The following PKN2 variants were observed in gnomAD, a reference collection of about 807,000 sequenced individuals.
PKN2 encodes serine/threonine-protein kinase N2.
Under a neutral mutation model 119.1 loss-of-function variants are expected in PKN2, and 38 were observed. That is an observed-to-expected ratio of 0.32 (90% CI 0.25 to 0.42). The LOEUF (loss-of-function observed/expected upper bound fraction) is 0.42. PKN2 is among the 10% of genes least tolerant of loss of function. The pLI is 1.00. For synonymous variants in PKN2, 390 were observed against 384.9 expected (o/e 1.01, Z -0.15); for missense variants, 850 against 1,165.1 (o/e 0.73, Z 3.94).
At position 88,818,138 on chromosome 1, in the gene PKN2, G is replaced by A. The variant is rs575561730; in HGVS notation, c.2280-3803G>A. Among the ~76,000 whole-genome samples the A allele has an allele frequency of 3.9e-5, 6 of 152,166 alleles. No homozygotes were observed. In the South Asian group the frequency reaches 1.2e-3, roughly 32 times the overall value. On this transcript the variant is annotated intron_variant, in intron 16 of 21. Coordinates refer to ENST00000370521, the MANE Select transcript of PKN2 (RefSeq NM_006256.4). ...TGCTACAAAGAGAATAAAATACCTAGGAATACAGCTTACAAGGGATGTGAA... is the reference window on the plus strand; with the variant it reads ...TGCTACAAAGAGAATAAAATACCTAAGAATACAGCTTACAAGGGATGTGAA...
chr1:88,752,513 TTCGTGG>T (rs1669042883), intron 2 of PKN2, among the ~76,000 whole-genome samples: 1 of 152,130 alleles, frequency 6.6e-6, no homozygotes, highest in East Asian at 1.9e-4. Flanking sequence ...GTATTAAAAT[TTCGTGG>T]AATGCAGATT....
At chr1:88,733,145 A>C (rs1264892378) in intron 1 of PKN2, among the ~76,000 whole-genome samples, 1 of 152,352 alleles carries the variant, frequency 6.6e-6, no homozygotes, top group East Asian at 1.9e-4. Flanking sequence ...ATGCTGTAAT[A>C]AACATAGGAG....
chr1:88,807,386 C>T lies in PKN2; in HGVS notation c.1877C>T (p.Pro626Leu). 6 of 1,606,570 alleles carry T rather than the reference C, an allele frequency of 3.7e-6. No individual in the cohort carries two copies. The highest frequency in any genetic ancestry group is 5.1e-6 in the Non-Finnish European group (6 of 1,174,346). Residue 626 changes from proline (P) to leucine (L), a missense_variant, in exon 13 of 22, where the codon CCT (proline) becomes CTT (leucine). Physicochemically the swap from Pro to Leu is moderately conservative, Grantham distance 98. Transcript: ENST00000370521. Reference protein sequence around the residue: ...ILPKSQSEYKPDTPQSGLEYS... With the variant: ...ILPKSQSEYKLDTPQSGLEYS... ...CCAAAATCTCAATCTGAATACAAGC[C>T]TGATACTCCTCAGTCAGGCCTAGAA...
intron 18 of PKN2, among the ~76,000 whole-genome samples, chr1:88,827,982 C>T (rs1324012862): frequency 5.9e-5 from 9 of 152,024 alleles, no homozygotes; most frequent in Non-Finnish European, 7.4e-5. Context: ...GCCTCGGCCT[C>T]CCAAAGTGCC....
At chr1:88,829,810 G>A (rs17130628) in intron 19 of PKN2, among the ~76,000 whole-genome samples, 6,033 of 152,234 alleles carry the variant, frequency 0.04, 277 homozygotes, top group African/African-American at 0.1. Context: ...GAAGAAGTTA[G>A]TGCTGAATGA....
intron 2 of PKN2, among the ~76,000 whole-genome samples, chr1:88,759,989 A>C (rs1304169008): frequency 6.6e-6 from 1 of 151,132 alleles, no homozygotes; most frequent in East Asian, 1.9e-4. Flanking sequence ...TAATATAATC[A>C]CTTTTATATT....
intron 6 of PKN2, among the ~76,000 whole-genome samples, chr1:88,772,440 G>T (rs1326986056): frequency 2.6e-5 from 4 of 152,058 alleles, no homozygotes; most frequent in Admixed American, 2.0e-4. Flanking sequence ...TTTTGGATTT[G>T]GGATTTCAGA....
chr1:88,749,680 T>G (rs1411400714), intron 2 of PKN2, among the ~76,000 whole-genome samples: 1 of 152,182 alleles, frequency 6.6e-6, no homozygotes, highest in Non-Finnish European at 1.5e-5. Context: ...AGGAGAAGTA[T>G]AAAGTTAACA....
intron 2 of PKN2, among the ~76,000 whole-genome samples, chr1:88,754,270 C>G (rs187579126): frequency 0.013 from 1,751 of 137,096 alleles, 15 homozygotes; most frequent in Non-Finnish European, 0.018. Context: ...TTTTTCCTCT[C>G]TTTCTCTTTT....
chr1:88,817,448 C>G (rs1042879244), intron 16 of PKN2, among the ~76,000 whole-genome samples: 5 of 150,048 alleles, frequency 3.3e-5, no homozygotes, highest in Admixed American at 2.0e-4. Context: ...TGGCTCATGC[C>G]TGTAATCCCA....
At chr1:88,738,902 T>C in intron 1 of PKN2, among the ~76,000 whole-genome samples, 1 of 152,224 alleles carries the variant, frequency 6.6e-6, no homozygotes, top group Non-Finnish European at 1.5e-5. Flanking sequence ...GCTAGTGTTG[T>C]TGACAACTTG....
intron 8 of PKN2, among the ~76,000 whole-genome samples, chr1:88,797,408 C>G (rs1426540892): frequency 2.0e-5 from 3 of 151,650 alleles, no homozygotes; most frequent in African/African-American, 4.8e-5. Context: ...CTTTGGGAGG[C>G]TCAGGTGGGC....
chr1:88,784,695 C>T lies in PKN2; in HGVS notation c.1042C>T (p.Arg348Trp), dbSNP rs770594472. 2 of 1,610,966 alleles carry T rather than the reference C, an allele frequency of 1.2e-6. No individual in the cohort carries two copies. The highest frequency in any genetic ancestry group is 1.7e-6 in the Non-Finnish European group (2 of 1,178,316). ...AGATATCCTAGAGAATGTCCCTGGA[C>T]GGTCAAAAGCAACATCAGTTGCACT... ...CQDILENVPG[R>W]SKATSVALPG... Residue 348 changes from arginine (R) to tryptophan (W), a missense_variant, in exon 7 of 22, where the codon CGG becomes TGG. Transcript: ENST00000370521.
At chr1:88,773,560 G>C (rs1261322769) in intron 6 of PKN2, among the ~76,000 whole-genome samples, 2 of 152,210 alleles carry the variant, frequency 1.3e-5, no homozygotes, top group Non-Finnish European at 2.9e-5. Flanking sequence ...GGCTCCCAGA[G>C]TGCTGTGATT....
intron 8 of PKN2, among the ~76,000 whole-genome samples, chr1:88,786,451 G>A (rs1670576908): frequency 1.3e-5 from 2 of 152,104 alleles, no homozygotes; most frequent in Admixed American, 1.3e-4. Flanking sequence ...TTCATTCATA[G>A]CAAACTTAAA....
chr1:88,703,898 T>A (rs527374993), intron 1 of PKN2, among the ~76,000 whole-genome samples: 10 of 152,254 alleles, frequency 6.6e-5, no homozygotes, highest in African/African-American at 2.2e-4. Flanking sequence ...TTGATGAATA[T>A]CCTTGATATT....
chr1:88,756,112 A>G (rs1011175393), intron 2 of PKN2, among the ~76,000 whole-genome samples: 1 of 151,948 alleles, frequency 6.6e-6, no homozygotes, highest in Admixed American at 6.6e-5. Flanking sequence ...GGGTTTCACC[A>G]TGTTGGCCAG....
rs182208341 is a variant in PKN2 at position 88,779,986 on chromosome 1, C to T, written c.986-4653C>T. On this transcript the variant is annotated intron_variant, in intron 6 of 21. Coordinates refer to ENST00000370521, the MANE Select transcript of PKN2 (RefSeq NM_006256.4). ...GTAGTCACCATTCAGACTACTAGCT[C>T]AAGGTAGTTACAGTTTCAGGGTTAG... 9.5e-4 allele frequency among the ~76,000 whole-genome samples: 144 copies of T among 152,270 alleles called. 1 individual carries two copies. The highest frequency in any genetic ancestry group is 3.4e-3 in the African/African-American group (142 of 41,552).
At chr1:88,784,052 C>T (rs760791394) in intron 6 of PKN2, among the ~76,000 whole-genome samples, 16 of 151,724 alleles carry the variant, frequency 1.1e-4, no homozygotes, top group Non-Finnish European at 2.2e-4. Flanking sequence ...GTTTCTCCTC[C>T]CATACCTCTA....
Sources: gnomAD v4.1 joint callset for allele counts (sites outside exome capture counted in the v4.1 genomes callset) on GRCh38, gnomAD v4.1.1 for gene constraint, MANE v1.5 for transcripts, NCBI Gene and HGNC (gene_info 2026-07-23, HGNC 2026-07-21) for gene names.